INTS4: variants seen among roughly 807,000 people sequenced by gnomAD.
INTS4 encodes integrator complex subunit 4, also known as MSTP093.
A neutral mutation model predicts 119.5 loss-of-function variants in INTS4; 70 were observed. The observed-to-expected ratio is 0.59, with a 90% CI of 0.48 to 0.71. The LOEUF (loss-of-function observed/expected upper bound fraction) is 0.71. Ranked by LOEUF, INTS4 falls within the 30% of genes least tolerant of loss-of-function variation. The pLI is 0.00. For missense variants in INTS4, 867 were observed against 1,173.2 expected, an observed-to-expected ratio of 0.74 and a Z score of 3.81; for synonymous variants, 316 against 419.6, an observed-to-expected ratio of 0.75 and a Z score of 3.02.
At chr11:77,985,779 T>C (rs1591148430) in intron 2 of INTS4, among the ~76,000 whole-genome samples, 2 of 152,160 alleles carry the variant, frequency 1.3e-5, no homozygotes, top group South Asian at 2.1e-4. Flanking sequence ...ACTACATATA[T>C]GGTCTGCCGA....
intron 8 of INTS4, among the ~76,000 whole-genome samples, chr11:77,945,554 C>T (rs371103333): frequency 1.3e-5 from 2 of 152,126 alleles, no homozygotes; most frequent in South Asian, 2.1e-4. Context: ...CAGCATCAGA[C>T]CCCACATAGC....
intron 8 of INTS4, among the ~76,000 whole-genome samples, chr11:77,954,894 A>C (rs2136565157): frequency 6.6e-6 from 1 of 152,228 alleles, no homozygotes; most frequent in Middle Eastern, 3.4e-3. Flanking sequence ...GTGCTTAATA[A>C]ATGGGAAAAA....
chr11:77,933,513 C>T (rs900558195), intron 10 of INTS4, among the ~76,000 whole-genome samples: 7 of 152,218 alleles, frequency 4.6e-5, no homozygotes, highest in African/African-American at 1.4e-4. Flanking sequence ...GACGGAGTCT[C>T]GCTAATTCAG....
intron 8 of INTS4, among the ~76,000 whole-genome samples, chr11:77,942,164 C>G (rs1249159099): frequency 6.6e-6 from 1 of 152,140 alleles, no homozygotes; most frequent in Non-Finnish European, 1.5e-5. Flanking sequence ...GCTGTACACT[C>G]AACAATCTCA....
chr11:77,983,397 C>T (rs1856319414), intron 2 of INTS4, among the ~76,000 whole-genome samples: 1 of 152,086 alleles, frequency 6.6e-6, no homozygotes, highest in African/African-American at 2.4e-5. Flanking sequence ...AGTCACCATG[C>T]CCCAGTCTTC....
intron 4 of INTS4, among the ~76,000 whole-genome samples, chr11:77,974,126 T>C (rs1855846962): frequency 6.6e-6 from 1 of 152,174 alleles, no homozygotes; most frequent in Admixed American, 6.5e-5. Flanking sequence ...TTACTTGTCA[T>C]AGATCTATTC....
chr11:77,969,804 A>G (rs1855645147), intron 4 of INTS4, among the ~76,000 whole-genome samples: 1 of 151,252 alleles, frequency 6.6e-6, no homozygotes, highest in African/African-American at 2.4e-5. Flanking sequence ...TTTAGCTATC[A>G]ACCTCCTATC....
At chr11:77,984,126 A>G (rs1249477496) in intron 2 of INTS4, among the ~76,000 whole-genome samples, 1 of 152,214 alleles carries the variant, frequency 6.6e-6, no homozygotes, top group Non-Finnish European at 1.5e-5. Flanking sequence ...GAAAAAAGCC[A>G]GGCACAAAAA....
intron 19 of INTS4, among the ~76,000 whole-genome samples, chr11:77,892,976 A>G (rs1206353937): frequency 6.6e-6 from 1 of 152,226 alleles, no homozygotes; most frequent in Non-Finnish European, 1.5e-5. Context: ...CAGCCCTGTA[A>G]GAAGCTATCA....
intron 8 of INTS4, among the ~76,000 whole-genome samples, chr11:77,953,326 C>T (rs989454702): frequency 6.6e-6 from 1 of 152,172 alleles, no homozygotes; most frequent in African/African-American, 2.4e-5. Context: ...TACTTACACA[C>T]ACATATATTT....
At chr11:77,955,730 G>A (rs770338905) in intron 8 of INTS4, among the ~76,000 whole-genome samples, 3 of 152,056 alleles carry the variant, frequency 2.0e-5, no homozygotes, top group African/African-American at 4.8e-5. Context: ...TCCTGACCTC[G>A]TGATCCGCCT....
intron 8 of INTS4, among the ~76,000 whole-genome samples, chr11:77,944,639 A>G (rs1398200217): frequency 6.6e-6 from 1 of 152,226 alleles, no homozygotes; most frequent in Non-Finnish European, 1.5e-5. Context: ...TTTGCTGAAC[A>G]GGTGATTTAA....
chr11:77,990,686 C>CAA (rs781257703), intron 2 of INTS4, among the ~76,000 whole-genome samples: 11,633 of 98,064 alleles, frequency 0.12, 812 homozygotes, highest in East Asian at 0.22. Context: ...ACTCTGTCTC[C>CAA]AAAAAAAAAA....
intron 2 of INTS4, among the ~76,000 whole-genome samples, chr11:77,986,469 C>T (rs1021532436): frequency 1.3e-5 from 2 of 152,112 alleles, no homozygotes; most frequent in Non-Finnish European, 2.9e-5. Context: ...CCATTTGACC[C>T]AGCAATCCCA....
chr11:77,939,424 C>G (rs1399100212), intron 9 of INTS4, among the ~76,000 whole-genome samples: 2 of 151,792 alleles, frequency 1.3e-5, no homozygotes, highest in Non-Finnish European at 2.9e-5. Context: ...AGCCTGGCGA[C>G]AGAGCGAGAC....
intron 8 of INTS4, among the ~76,000 whole-genome samples, chr11:77,947,651 A>C (rs558030292): frequency 3.3e-5 from 5 of 152,238 alleles, no homozygotes; most frequent in Non-Finnish European, 7.3e-5. Context: ...TCAATCTGCT[A>C]GTATGAAGGT....
chr11:77,964,383 T>C (rs1323900287), intron 4 of INTS4, among the ~76,000 whole-genome samples: 1 of 151,436 alleles, frequency 6.6e-6, no homozygotes, highest in African/African-American at 2.4e-5. Context: ...CTGGCTAACA[T>C]GGTGAAACCC....
At chr11:77,986,683 C>T (rs1011887929) in intron 2 of INTS4, among the ~76,000 whole-genome samples, 2 of 152,090 alleles carry the variant, frequency 1.3e-5, no homozygotes, top group Admixed American at 6.6e-5. Context: ...TCATGTCCTT[C>T]GCAGGGAAAT....
chr11:77,885,936 C>G (rs1017312229), intron 21 of INTS4, among the ~76,000 whole-genome samples: 1 of 152,172 alleles, frequency 6.6e-6, no homozygotes, highest in African/African-American at 2.4e-5. Context: ...TGCAGTGGCT[C>G]ATGCCTATAA....
Sources: gnomAD v4.1 joint callset for allele counts (sites outside exome capture counted in the v4.1 genomes callset) on GRCh38, gnomAD v4.1.1 for gene constraint, MANE v1.5 for transcripts, NCBI Gene and HGNC (gene_info 2026-07-23, HGNC 2026-07-21) for gene names.